Variants in RAD50 observed in about 807,000 individuals in gnomAD.
The protein encoded by RAD50 is DNA repair protein RAD50.
Under a neutral mutation model 168.8 loss-of-function variants are expected in RAD50, and 132 were observed. The ratio of observed to expected loss-of-function variants is 0.78; its 90% CI spans 0.68 to 0.90. The LOEUF (loss-of-function observed/expected upper bound fraction) is 0.90. RAD50 is among the 40% of genes least tolerant of loss of function. RAD50 has a pLI of 0.00. For synonymous variants in RAD50, 525 were observed against 497.4 expected (o/e 1.06, Z -0.74); for missense variants, 1,347 against 1,534.4 (o/e 0.88, Z 2.04).
At chr5:132,604,486 C>T (rs570220312) in intron 15 of RAD50, among the ~76,000 whole-genome samples, 10 of 152,198 alleles carry the variant, frequency 6.6e-5, no homozygotes, top group Non-Finnish European at 1.0e-4. Context: ...AGGCTGATCT[C>T]GAACTCCTGA....
intron 21 of RAD50, among the ~76,000 whole-genome samples, chr5:132,625,511 A>T (rs1751360022): frequency 6.6e-6 from 1 of 151,874 alleles, no homozygotes; most frequent in African/African-American, 2.4e-5. Flanking sequence ...AGGGTAAATG[A>T]GGTTTCCATC....
chr5:132,593,360 T>G, intron 11 of RAD50: 1 of 152,622 alleles, frequency 6.6e-6, no homozygotes, highest in South Asian at 2.1e-4. Context: ...GCAAAACATT[T>G]TGAACTTCAT....
In RAD50 at chr5:132,588,075, T is replaced by G. The variant is rs762938709; in HGVS notation, c.1037T>G (p.Leu346Arg). Residue 346 changes from leucine (L) to arginine (R), a missense_variant, in exon 7 of 25, where the codon CTG becomes CGG. Physicochemically the swap from Leu to Arg is moderately radical, Grantham distance 102 (BLOSUM62 -2). Coordinates refer to ENST00000378823, the MANE Select transcript of RAD50 (RefSeq NM_005732.4). ...CTTCTCAATCAGGAAAAATCAGAAC[T>G]GCTTGTTGAACAGGGTAGGACAAAA... Reference protein sequence around the residue: ...SRLLNQEKSELLVEQGRLQLQ... With the variant: ...SRLLNQEKSERLVEQGRLQLQ... 3 of 1,612,346 alleles carry G rather than the reference T, an allele frequency of 1.9e-6. No homozygotes were observed. In the Admixed American group the frequency reaches 5.0e-5, roughly 27 times the overall value.
chr5:132,637,069 T>G, intron 21 of RAD50, 46 bp from the exon 22 acceptor site: 1 of 1,466,218 alleles, frequency 6.8e-7, no homozygotes, highest in Admixed American at 1.8e-5. Context: ...CTATTACACA[T>G]AATTATTTTT....
At chr5:132,581,023 A>G (rs1007785814) in intron 5 of RAD50, among the ~76,000 whole-genome samples, 2 of 152,162 alleles carry the variant, frequency 1.3e-5, no homozygotes, top group Admixed American at 1.3e-4. Context: ...GGGAGGAGGT[A>G]GGGCTGAGGT....
At chr5:132,589,510 C>T in intron 8 of RAD50, 121 bp from the exon 9 acceptor site, 1 of 739,010 alleles carries the variant, frequency 1.4e-6, no homozygotes, top group Non-Finnish European at 2.2e-6. Flanking sequence ...TATATCCCTG[C>T]TGAGCAACAC....
At chr5:132,602,526 T>G (rs2149846599) in intron 13 of RAD50, among the ~76,000 whole-genome samples, 1 of 152,330 alleles carries the variant, frequency 6.6e-6, no homozygotes, top group South Asian at 2.1e-4. Context: ...AGCATTTCAC[T>G]TAGTGGCTGG....
chr5:132,562,140 G>C (rs1414714967), intron 2 of RAD50, among the ~76,000 whole-genome samples: 2 of 152,124 alleles, frequency 1.3e-5, no homozygotes, highest in Admixed American at 6.5e-5. Flanking sequence ...GAAGAACAAG[G>C]GAAAATGGTA....
rs373428259 is a variant in RAD50 at position 132,588,872 on chromosome 5, C to T, written c.1237C>T (p.Gln413Ter). 2.5e-6 allele frequency: 4 copies of T among 1,608,464 alleles called. No individual in the cohort carries two copies. Among genetic ancestry groups the T allele is most frequent in the African/African-American group, 1.3e-5 (1 of 74,738 alleles). ...AGAAGGGGAAGCAAAAACTGCCAAC[C>T]AACTGATGGCAAGTATTTTGAAATA... ...RQEGEAKTAN[Q>*]LMNDFAEKET... The change falls in exon 8 of 25, where the codon CAA becomes TAA. Residue 413 changes from glutamine (Q) to a stop codon, truncating the protein, a stop_gained. Coordinates refer to ENST00000378823, the MANE Select transcript of RAD50 (RefSeq NM_005732.4). LOFTEE classifies it high-confidence loss of function.
intron 22 of RAD50, 114 bp downstream of exon 22, chr5:132,637,314 C>T: frequency 6.8e-7 from 1 of 1,471,612 alleles, no homozygotes; most frequent in African/African-American, 1.4e-5. Flanking sequence ...CTAAGCATGT[C>T]TTTGAGATTT....
intron 1 of RAD50, 57 bp from the exon 2 acceptor site, chr5:132,559,227 A>T: frequency 6.8e-7 from 1 of 1,464,900 alleles, no homozygotes; most frequent in Middle Eastern, 2.4e-4. Context: ...TTCATATTTT[A>T]TGGTAAACTT....
At chr5:132,619,815 C>CCTCTCT (rs58174018) in intron 21 of RAD50, among the ~76,000 whole-genome samples, 2 of 118,350 alleles carry the variant, frequency 1.7e-5, no homozygotes, top group Admixed American at 8.5e-5. Flanking sequence ...TCTCTCTACT[C>CCTCTCT]CTCTCTCTCT....
chr5:132,569,817 G>A (rs903264784), intron 2 of RAD50, among the ~76,000 whole-genome samples: 1 of 152,128 alleles, frequency 6.6e-6, no homozygotes, highest in Non-Finnish European at 1.5e-5. Context: ...TAGCAGAAAA[G>A]TATCCGGAAA....
At chr5:132,600,905 A>G (rs2149846065) in intron 13 of RAD50, among the ~76,000 whole-genome samples, 1 of 152,342 alleles carries the variant, frequency 6.6e-6, no homozygotes, top group East Asian at 1.9e-4. Context: ...AGAACATCAC[A>G]TTGTACCCCA....
chr5:132,595,206 G>A, intron 12 of RAD50, 162 bp downstream of exon 12: 1 of 754,620 alleles, frequency 1.3e-6, no homozygotes, highest in South Asian at 1.7e-5. Flanking sequence ...CTTTAGGCAA[G>A]TTACTGAAAC....
At position 132,568,066 on chromosome 5, in the gene RAD50, A is replaced by T. The variant is rs141367175; in HGVS notation, c.214-7711A>T. Among the ~76,000 whole-genome samples, 235 of 151,600 alleles carry T rather than the reference A, an allele frequency of 1.6e-3. 3 individuals are homozygous for T. The highest frequency in any genetic ancestry group is 5.3e-3 in the African/African-American group (221 of 41,326). On this transcript the variant is annotated intron_variant, in intron 2 of 24. Coordinates refer to ENST00000378823, the MANE Select transcript of RAD50 (RefSeq NM_005732.4). ...TTAGCAGACAAGGATTTTTTTTTAAATTTTTTTTAAATTTTTTTTTTTGAG... is the reference window on the plus strand; with the variant it reads ...TTAGCAGACAAGGATTTTTTTTTAATTTTTTTTTAAATTTTTTTTTTTGAG...
chr5:132,599,541 A>G (rs1199533205), intron 13 of RAD50, among the ~76,000 whole-genome samples: 2 of 152,148 alleles, frequency 1.3e-5, no homozygotes, highest in Non-Finnish European at 2.9e-5. Flanking sequence ...TGAAAGGTCA[A>G]TAATGAATTA....
chr5:132,640,979 A>G (rs1751708930), intron 24 of RAD50, among the ~76,000 whole-genome samples, 174 bp downstream of exon 24: 1 of 152,134 alleles, frequency 6.6e-6, no homozygotes, highest in Non-Finnish European at 1.5e-5. Flanking sequence ...TTTGATAGTA[A>G]TTCTTCAGAT....
At chr5:132,597,336 T>G (rs1750809205) in intron 13 of RAD50, among the ~76,000 whole-genome samples, 1 of 152,226 alleles carries the variant, frequency 6.6e-6, no homozygotes, top group South Asian at 2.1e-4. Flanking sequence ...CTCATGCTGT[T>G]GCATGATTGG....
Sources: allele counts gnomAD v4.1 joint callset (sites outside exome capture counted in the v4.1 genomes callset), GRCh38; gene constraint gnomAD v4.1.1; transcripts MANE v1.5; gene names NCBI Gene and HGNC (gene_info 2026-07-23, HGNC 2026-07-21).